ALKBH8: variants seen among roughly 807,000 people sequenced by gnomAD.
ALKBH8 encodes the protein alkB homolog 8, tRNA methyltransferase.
ALKBH8 carries 36 observed loss-of-function variants against 59.8 expected under a neutral mutation model. That is an observed-to-expected ratio of 0.60 (90% CI 0.46 to 0.79). The LOEUF is 0.79. Ranked by LOEUF, ALKBH8 falls within the 30% of genes least tolerant of loss-of-function variation. The probability of loss-of-function intolerance (pLI) is 0.00; values close to 1 mark genes in which losing one functional copy is unlikely to be tolerated. For missense variants in ALKBH8, 768 were observed against 801.0 expected (o/e 0.96, Z 0.50); for synonymous variants, 276 against 273.6 (o/e 1.01, Z -0.09).
At chr11:107,547,883 G>A (rs1436556215) in intron 7 of ALKBH8, among the ~76,000 whole-genome samples, 1 of 152,124 alleles carries the variant, frequency 6.6e-6, no homozygotes, top group East Asian at 1.9e-4. Flanking sequence ...GATAATGAAT[G>A]CAGCAGATTT....
intron 9 of ALKBH8, among the ~76,000 whole-genome samples, chr11:107,524,766 C>A (rs939375571): frequency 6.6e-6 from 1 of 151,870 alleles, no homozygotes; most frequent in Admixed American, 6.6e-5. Flanking sequence ...ATGACTAAAT[C>A]CAAAAGCTGT....
rs1192370033 is a variant in ALKBH8, at chr11:107,551,825, T to A, written c.683A>T (p.Gln228Leu). The A allele has an allele frequency of 2.6e-6, 4 of 1,539,318 alleles. No individual in the cohort carries two copies. The highest frequency in any genetic ancestry group is 3.5e-6 in the Non-Finnish European group (4 of 1,150,934). ...KHKPDQMTIN[Q>L]YEPGQGIPAH... ...ATACTCACCTTGCCCAGGTTCATAC[T>A]GATTTATGGTCATTTGATCAGGTTT... The change falls in exon 6 of 12, where the codon CAG becomes CTG. Residue 228 changes from glutamine to leucine, a missense_variant. Transcript: ENST00000428149.
chr11:107,515,896 A>G (rs964596984), intron 10 of ALKBH8, among the ~76,000 whole-genome samples: 3 of 152,244 alleles, frequency 2.0e-5, no homozygotes, highest in African/African-American at 7.2e-5. Flanking sequence ...TAAAAGAGCA[A>G]TTAGGCAAAC....
At chr11:107,525,413 TA>T in intron 9 of ALKBH8, 27 bp downstream of exon 9, 1 of 1,508,522 alleles carries the variant, frequency 6.6e-7, no homozygotes, top group Non-Finnish European at 8.9e-7. Flanking sequence ...GACTCCATTT[TA>T]CAGACGAGAT....
At chr11:107,523,184 C>T (rs1336186954) in intron 9 of ALKBH8, among the ~76,000 whole-genome samples, 1 of 152,160 alleles carries the variant, frequency 6.6e-6, no homozygotes, top group African/African-American at 2.4e-5. Flanking sequence ...CAACACTATT[C>T]ACAACAGCCA....
chr11:107,514,873 A>C (rs1363680213), intron 10 of ALKBH8, among the ~76,000 whole-genome samples: 1 of 152,186 alleles, frequency 6.6e-6, no homozygotes, highest in African/African-American at 2.4e-5. Flanking sequence ...AAAAGAGGAA[A>C]GTTATTACCT....
chr11:107,551,843 TC>T lies in ALKBH8; in HGVS notation c.664del (p.Asp222IlefsTer3). 1.9e-6 allele frequency: 3 copies of T among 1,548,610 alleles called. No homozygotes were observed. Among genetic ancestry groups the T allele is most frequent in the Non-Finnish European group, 1.7e-6 (2 of 1,155,138 alleles). ...TTCATACTGATTTATGGTCATTTGA[TC>T]AGGTTTATGTTTAATGTAACCTTTC... ...LRKGYIKHKPDQMTINQYEPG... is the reference protein window; with the variant it reads ...LRKGYIKHKPXQMTINQYEPG... On this transcript the variant is annotated frameshift_variant, in exon 6 of 12. Coordinates refer to ENST00000428149, the MANE Select transcript of ALKBH8 (RefSeq NM_138775.3). LOFTEE classifies it high-confidence loss of function.
chr11:107,531,682 C>T (rs536601693), intron 8 of ALKBH8, among the ~76,000 whole-genome samples: 16 of 152,164 alleles, frequency 1.1e-4, no homozygotes, highest in Non-Finnish European at 2.4e-4. Context: ...TTGAGCACTG[C>T]ACTGTGGTTT....
chr11:107,559,838 T>C (rs560082394), intron 2 of ALKBH8, among the ~76,000 whole-genome samples: 5 of 152,166 alleles, frequency 3.3e-5, no homozygotes, highest in African/African-American at 1.2e-4. Context: ...ATAGTAAGCA[T>C]TAAGGCAAGA....
At chr11:107,545,275 T>C (rs1383411203) in intron 7 of ALKBH8, among the ~76,000 whole-genome samples, 1 of 152,136 alleles carries the variant, frequency 6.6e-6, no homozygotes, top group Non-Finnish European at 1.5e-5. Context: ...CTGAAAATAA[T>C]GAAACATTTG....
Position 107,549,802 on chromosome 11 carries a change from G to A in ALKBH8, c.722C>T (p.Thr241Ile). The A allele has an allele frequency of 2.6e-6, 4 of 1,550,104 alleles. No individual in the cohort carries two copies. Among genetic ancestry groups the A allele is most frequent in the Non-Finnish European group, 3.5e-6 (4 of 1,145,758 alleles). ...GATCTCATCCTCAAAAGCGGAATGT[G>A]TATCAATATGAGCGGGAATTCCTGA... The part of the protein sequence containing the change: ...PGQGIPAHID[T>I]HSAFEDEIVS... Residue 241 changes from threonine to isoleucine, a missense_variant, in exon 7 of 12, where the codon ACA (threonine) becomes ATA (isoleucine). Thr to Ile is a moderately conservative substitution (Grantham distance 89). Coordinates refer to ENST00000428149, the MANE Select transcript of ALKBH8 (RefSeq NM_138775.3).
rs778611610 is a variant in ALKBH8, at chr11:107,532,294, A to C, written c.878+6T>G. 2.1e-5 allele frequency: 33 copies of C among 1,608,910 alleles called. No individual in the cohort carries two copies. Among genetic ancestry groups the C allele is most frequent in the Non-Finnish European group, 2.5e-5 (30 of 1,176,478 alleles). On this transcript the variant is annotated splice_donor_region_variant and intron_variant, in intron 8 of 11. Coordinates refer to ENST00000428149, the MANE Select transcript of ALKBH8 (RefSeq NM_138775.3). ...AAAAAGAATCCTGTCATATTTCAAT[A>C]CATACCCATGGGTCCAAAGGTATCT...
intron 7 of ALKBH8, among the ~76,000 whole-genome samples, chr11:107,542,054 A>G (rs1283396641): frequency 1.3e-5 from 2 of 152,132 alleles, no homozygotes; most frequent in Admixed American, 1.3e-4. Flanking sequence ...TAAAGCATGG[A>G]GAGACAAAAG....
intron 7 of ALKBH8, among the ~76,000 whole-genome samples, chr11:107,542,513 C>T (rs752764205): frequency 3.9e-5 from 6 of 152,054 alleles, no homozygotes; most frequent in Admixed American, 6.6e-5. Context: ...GTGCTTGGGA[C>T]GTCAGTTATA....
chr11:107,504,241 A>G lies in ALKBH8; in HGVS notation c.*417T>C, dbSNP rs933981846. On this transcript the variant is annotated 3_prime_UTR_variant, in exon 12 of 12. Transcript: ENST00000428149. ...CTATGATTTTACAGAGCTAAAAATC[A>G]TAGGTAAAACTTCAGACAATTTTCT... 6.9e-5 allele frequency: 30 copies of G among 434,324 alleles called. No homozygotes were observed. Among genetic ancestry groups the G allele is most frequent in the Admixed American group, 5.3e-4 (13 of 24,666 alleles). The allele number at this position is 434,324 out of a possible 1,614,324, so 26.9% of individuals were successfully genotyped here.
At chr11:107,560,700 A>G in intron 2 of ALKBH8, 65 bp downstream of exon 2, 2 of 1,431,326 alleles carry the variant, frequency 1.4e-6, no homozygotes, top group South Asian at 1.4e-5. Flanking sequence ...ATTAGCAAAT[A>G]TTAATATAAT....
chr11:107,504,208 G>T lies in ALKBH8; in HGVS notation c.*450C>A. On this transcript the variant is annotated 3_prime_UTR_variant, in exon 12 of 12. Transcript: ENST00000428149. Reference sequence around the variant, plus strand: ...GCTAGTCAGGCATGGAAATAGAATGGTTATTGTCTATGATTTTACAGAGCT... The same window carrying T: ...GCTAGTCAGGCATGGAAATAGAATGTTTATTGTCTATGATTTTACAGAGCT... 2.7e-6 allele frequency: 1 copy of T among 365,406 alleles called. No homozygotes were observed. The highest frequency in any genetic ancestry group is 4.8e-6 in the Non-Finnish European group (1 of 206,216). 22.6% of individuals were successfully genotyped at this position (365,406 alleles called of 1,614,324 possible).
In ALKBH8 at chr11:107,532,351, C is replaced by A. The variant is rs199962343; in HGVS notation, c.827G>T (p.Arg276Leu). The change falls in exon 8 of 12, where the codon CGT becomes CTT. Residue 276 changes from arginine (R) to leucine (L), a missense_variant. Arg to Leu is a moderately radical substitution (Grantham distance 102). Transcript: ENST00000428149. ...TCCTGTCATCACCAGCAAACTCCGA[C>A]GAGGCAACATAACTGGCACTGCAAT... ...DGIAVPVMLP[R>L]RSLLVMTGES... 233 of 1,613,402 alleles carry A rather than the reference C, an allele frequency of 1.4e-4. No individual in the cohort carries two copies. Among genetic ancestry groups the A allele is most frequent in the Non-Finnish European group, 1.6e-4 (191 of 1,179,690 alleles).
rs1864515364 is a variant in ALKBH8 at position 107,551,897 on chromosome 11, C to T, written c.611G>A (p.Cys204Tyr). ...KPLSGGLPDI[C>Y]ESFLEKWLRK... ...CAACCATTTCTCCAAAAAGCTTTCA[C>T]AAATGTCAGGAAGACCTACAATGAG... Residue 204 changes from cysteine to tyrosine, a missense_variant, in exon 6 of 12, where the codon TGT (cysteine) becomes TAT (tyrosine). Cys to Tyr is a radical substitution (Grantham distance 194, BLOSUM62 -2). Coordinates refer to ENST00000428149, the MANE Select transcript of ALKBH8 (RefSeq NM_138775.3). 6.6e-7 allele frequency: 1 copy of T among 1,524,242 alleles called. No homozygotes were observed. The highest frequency in any genetic ancestry group is 1.7e-4 in the Middle Eastern group (1 of 5,846). 94.4% of individuals were successfully genotyped at this position (1,524,242 alleles called of 1,614,324 possible).
Sources: allele counts gnomAD v4.1 joint callset (sites outside exome capture counted in the v4.1 genomes callset), GRCh38; gene constraint gnomAD v4.1.1; transcripts MANE v1.5; gene names NCBI Gene and HGNC (gene_info 2026-07-23, HGNC 2026-07-21).